GALNT17: variants seen among roughly 807,000 people sequenced by gnomAD.
GALNT17 encodes the protein UDP-GalNAc:polypeptide N-acetylgalactosaminyltransferase-like 3.
Under a neutral mutation model 63.7 loss-of-function variants are expected in GALNT17, and 29 were observed. The ratio of observed to expected loss-of-function variants is 0.46; its 90% CI spans 0.34 to 0.62. The LOEUF is 0.62. GALNT17 is among the 20% of genes least tolerant of loss of function. GALNT17 has a pLI of 0.01. For missense variants in GALNT17, 603 were observed against 799.6 expected, an observed-to-expected ratio of 0.75 and a Z score of 2.97; for synonymous variants, 305 against 318.3, an observed-to-expected ratio of 0.96 and a Z score of 0.45.
intron 1 of GALNT17, among the ~76,000 whole-genome samples, chr7:71,153,145 A>G (rs535762474): frequency 5.5e-4 from 72 of 130,242 alleles, no homozygotes; most frequent in Non-Finnish European, 1.1e-3. Context: ...AGGAATCTCA[A>G]ACTTCCTTTG....
At chr7:71,266,789 G>A (rs953826550) in intron 1 of GALNT17, among the ~76,000 whole-genome samples, 6 of 152,118 alleles carry the variant, frequency 3.9e-5, no homozygotes, top group Non-Finnish European at 2.9e-5. Flanking sequence ...CTGCTCTACC[G>A]GGTTGCATGA....
chr7:71,350,434 A>G (rs1792169650), intron 2 of GALNT17, among the ~76,000 whole-genome samples: 1 of 152,194 alleles, frequency 6.6e-6, no homozygotes, highest in African/African-American at 2.4e-5. Flanking sequence ...GCTAACATAC[A>G]TCTGACCCTT....
In GALNT17 at chr7:71,485,001, GT is replaced by G. The variant is rs1366372902; in HGVS notation, c.962+63899del. Among the ~76,000 whole-genome samples the G allele has an allele frequency of 1.1e-3, 134 of 125,260 alleles. 2 individuals carry two copies. The highest frequency in any genetic ancestry group is 4.0e-3 in the African/African-American group (130 of 32,526). The allele number at this position is 125,260 out of a possible 152,430, so 82.2% of individuals were successfully genotyped here. A position where few individuals can be genotyped will look rare whatever the true frequency, so the allele number is the denominator to read the frequency against. ...TTTTTTTTTTTTTAGTAGAGGCAAG[GT>G]TTCACCATGTTGGTCAAGCTGGTCT... On this transcript the variant is annotated intron_variant, in intron 5 of 10. Transcript: ENST00000333538.
At chr7:71,258,955 G>T (rs571210992) in intron 1 of GALNT17, among the ~76,000 whole-genome samples, 3 of 152,186 alleles carry the variant, frequency 2.0e-5, no homozygotes, top group African/African-American at 7.2e-5. Context: ...AGCCTACAGG[G>T]TGGGGCATAG....
In GALNT17 at chr7:71,165,905, C is replaced by T. The variant is rs75744216; in HGVS notation, c.238+32865C>T. On this transcript the variant is annotated intron_variant, in intron 1 of 10. Coordinates refer to ENST00000333538, the MANE Select transcript of GALNT17 (RefSeq NM_022479.3). ...AAACCTCCCTGACTGGGTGAGGCAGCGCCCTCTCTGGAGTCAGTGTGCAAG... is the reference window on the plus strand; with the variant it reads ...AAACCTCCCTGACTGGGTGAGGCAGTGCCCTCTCTGGAGTCAGTGTGCAAG... 5.2e-3 allele frequency among the ~76,000 whole-genome samples: 791 copies of T among 152,058 alleles called. 8 individuals are homozygous for T. Among genetic ancestry groups the T allele is most frequent in the African/African-American group, 0.018 (750 of 41,466 alleles).
chr7:71,706,989 G>A (rs1791729317), intron 9 of GALNT17, among the ~76,000 whole-genome samples: 1 of 152,174 alleles, frequency 6.6e-6, no homozygotes, highest in Non-Finnish European at 1.5e-5. Flanking sequence ...CAACCATGAG[G>A]TATTCGGTGA....
At chr7:71,368,067 G>A (rs566404341) in intron 2 of GALNT17, among the ~76,000 whole-genome samples, 16 of 151,454 alleles carry the variant, frequency 1.1e-4, no homozygotes, top group South Asian at 8.3e-4. Flanking sequence ...CTCTGGGGCC[G>A]TGGGAGGAGC....
At chr7:71,668,516 C>CAAAAAAA (rs56329930) in intron 7 of GALNT17, among the ~76,000 whole-genome samples, 29,702 of 62,552 alleles carry the variant, frequency 0.47, 10,723 homozygotes, top group East Asian at 0.94. Flanking sequence ...GACACCATCT[C>CAAAAAAA]AAAAAAAAAA....
At chr7:71,488,052 C>T (rs1297745582) in intron 5 of GALNT17, among the ~76,000 whole-genome samples, 1 of 151,938 alleles carries the variant, frequency 6.6e-6, no homozygotes, top group African/African-American at 2.4e-5. Context: ...TGATGGTAGT[C>T]CCAGCTACTC....
chr7:71,309,478 G>T (rs907175751), intron 1 of GALNT17, among the ~76,000 whole-genome samples: 27 of 152,032 alleles, frequency 1.8e-4, no homozygotes, highest in Non-Finnish European at 1.3e-4. Flanking sequence ...TCCCTGCCGA[G>T]ACCAAGGAGA....
intron 2 of GALNT17, among the ~76,000 whole-genome samples, chr7:71,359,793 A>G (rs1469726824): frequency 6.6e-6 from 1 of 152,144 alleles, no homozygotes; most frequent in African/African-American, 2.4e-5. Flanking sequence ...CATGTTGGCC[A>G]GGCTGGCCTC....
intron 5 of GALNT17, among the ~76,000 whole-genome samples, chr7:71,564,011 C>A (rs1254285507): frequency 6.6e-6 from 1 of 152,178 alleles, no homozygotes; most frequent in Non-Finnish European, 1.5e-5. Context: ...AGGCATGAGC[C>A]ACCCTGCCAG....
intron 1 of GALNT17, among the ~76,000 whole-genome samples, chr7:71,165,071 T>A (rs1788412165): frequency 6.6e-6 from 1 of 152,202 alleles, no homozygotes; most frequent in South Asian, 2.1e-4. Flanking sequence ...CTGAGGCTCA[T>A]AAAAAAGTGA....
At chr7:71,617,294 T>G (rs887049382) in intron 6 of GALNT17, among the ~76,000 whole-genome samples, 3 of 147,352 alleles carry the variant, frequency 2.0e-5, no homozygotes, top group African/African-American at 7.3e-5. Flanking sequence ...TATTTTTGGT[T>G]TTTTTTTTGC....
intron 6 of GALNT17, among the ~76,000 whole-genome samples, chr7:71,609,604 A>T (rs1009366994): frequency 6.6e-6 from 1 of 152,194 alleles, no homozygotes; most frequent in African/African-American, 2.4e-5. Context: ...ATGCTTTGAT[A>T]CGGGCATGCA....
chr7:71,561,953 G>T (rs1027525227), intron 5 of GALNT17, among the ~76,000 whole-genome samples: 1 of 151,500 alleles, frequency 6.6e-6, no homozygotes, highest in Non-Finnish European at 1.5e-5. Context: ...ATTTTGTTTT[G>T]TTTTTTGTCT....
rs1414120203 is a variant in GALNT17, at chr7:71,640,273, T to C, written c.1081-25138T>C. Among the ~76,000 whole-genome samples, 4 of 152,338 alleles carry C rather than the reference T, an allele frequency of 2.6e-5. No homozygotes were observed. The East Asian group carries it at 5.8e-4, about 22-fold the overall frequency. ...GGTTCGATTTTCCCTCTTGTAAAACTTGTATTTGCAGGAAGATTTTTTTGT... is the reference window on the plus strand; with the variant it reads ...GGTTCGATTTTCCCTCTTGTAAAACCTGTATTTGCAGGAAGATTTTTTTGT... On this transcript the variant is annotated intron_variant, in intron 6 of 10. Transcript: ENST00000333538.
At chr7:71,512,014 CTTT>C (rs11409175) in intron 5 of GALNT17, among the ~76,000 whole-genome samples, 5 of 131,476 alleles carry the variant, frequency 3.8e-5, no homozygotes, top group Non-Finnish European at 7.9e-5. Context: ...GGGTTCCAGC[CTTT>C]TTTTTTTTTT....
intron 1 of GALNT17, among the ~76,000 whole-genome samples, chr7:71,269,627 C>T (rs1013557246): frequency 3.3e-5 from 5 of 152,152 alleles, no homozygotes; most frequent in African/African-American, 1.2e-4. Context: ...ACACGTGGGG[C>T]CTAGACTGGG....
Sources: allele counts gnomAD v4.1 joint callset (sites outside exome capture counted in the v4.1 genomes callset), GRCh38; gene constraint gnomAD v4.1.1; transcripts MANE v1.5; gene names NCBI Gene and HGNC (gene_info 2026-07-23, HGNC 2026-07-21).